Variants in PDZD2 observed in about 807,000 individuals in gnomAD.
The protein encoded by PDZD2 is PDZ domain-containing protein 2.
Under a neutral mutation model 220.7 loss-of-function variants are expected in PDZD2, and 90 were observed. The ratio of observed to expected loss-of-function variants is 0.41; its 90% CI spans 0.34 to 0.49. The LOEUF (loss-of-function observed/expected upper bound fraction) is 0.49. PDZD2 is among the 20% of genes least tolerant of loss of function. The pLI is 0.28. For synonymous variants in PDZD2, 1,375 were observed against 1,450.5 expected (o/e 0.95, Z 1.18); for missense variants, 3,174 against 3,608.5 (o/e 0.88, Z 3.08).
chr5:31,864,555 T>C (rs1738015740), intron 2 of PDZD2, among the ~76,000 whole-genome samples: 1 of 152,006 alleles, frequency 6.6e-6, no homozygotes, highest in Non-Finnish European at 1.5e-5. Flanking sequence ...GTTTCGCTCT[T>C]GTCGCCCAGG....
intron 1 of PDZD2, among the ~76,000 whole-genome samples, chr5:31,733,337 AATGGTTGACAGCT>A (rs1417863577): frequency 6.6e-6 from 1 of 152,170 alleles, no homozygotes; most frequent in Non-Finnish European, 1.5e-5. Context: ...TGGGGGTTCA[AATGGTTGACAGCT>A]AAGGCTTGTG....
intron 2 of PDZD2, among the ~76,000 whole-genome samples, chr5:31,825,033 C>G (rs1229418001): frequency 6.6e-6 from 1 of 152,194 alleles, no homozygotes; most frequent in African/African-American, 2.4e-5. Context: ...TCACATGACA[C>G]TGGCCCTGTC....
intron 2 of PDZD2, among the ~76,000 whole-genome samples, chr5:31,925,576 CAA>C (rs1033353292): frequency 6.6e-6 from 1 of 152,010 alleles, no homozygotes; most frequent in Non-Finnish European, 1.5e-5. Context: ...GCTAAGTCCT[CAA>C]AAGCAGACAC....
At chr5:31,684,663 C>A (rs1746781309) in intron 1 of PDZD2, among the ~76,000 whole-genome samples, 1 of 151,996 alleles carries the variant, frequency 6.6e-6, no homozygotes, top group Non-Finnish European at 1.5e-5. Context: ...ATAGTCCTCA[C>A]CAGCCACTGC....
At chr5:32,019,621 C>G (rs1010729073) in intron 6 of PDZD2, among the ~76,000 whole-genome samples, 2 of 152,124 alleles carry the variant, frequency 1.3e-5, no homozygotes, top group Non-Finnish European at 2.9e-5. Flanking sequence ...GTTAGGCGTG[C>G]TTGATGGCTT....
At chr5:31,711,781 C>A (rs805218) in intron 1 of PDZD2, among the ~76,000 whole-genome samples, 2 of 152,060 alleles carry the variant, frequency 1.3e-5, no homozygotes, top group African/African-American at 2.4e-5. Flanking sequence ...TGGAGCAGGG[C>A]GAGGGTTATC....
Position 32,014,717 on chromosome 5 carries a change from T to G in PDZD2, c.1407+4235T>G, listed in dbSNP as rs938435932. Among the ~76,000 whole-genome samples, 4 of 133,186 alleles carry G rather than the reference T, an allele frequency of 3.0e-5. 1 individual carries two copies. Among genetic ancestry groups the G allele is most frequent in the African/African-American group, 1.3e-4 (4 of 31,746 alleles). The allele number at this position is 133,186 out of a possible 152,430, so 87.4% of individuals were successfully genotyped here. On this transcript the variant is annotated intron_variant, in intron 6 of 24. Coordinates refer to ENST00000438447, the MANE Select transcript of PDZD2 (RefSeq NM_178140.4). ...TGCAATGACAATTTCTTTTTTTTTT[T>G]TTTTTTTTTTTTTTTTTGAGATGGA...
intron 2 of PDZD2, among the ~76,000 whole-genome samples, chr5:31,962,258 T>C (rs1748314356): frequency 6.6e-6 from 1 of 152,254 alleles, no homozygotes; most frequent in Non-Finnish European, 1.5e-5. Context: ...CTTTAAGTCA[T>C]TTCTGACTTT....
In PDZD2 at chr5:31,899,390, C is replaced by T. The variant is rs190224333; in HGVS notation, c.477-83765C>T. 3.2e-3 allele frequency among the ~76,000 whole-genome samples: 485 copies of T among 152,296 alleles called. 5 individuals are homozygous for T. Among genetic ancestry groups the T allele is most frequent in the Non-Finnish European group, 5.2e-3 (356 of 68,022 alleles). On this transcript the variant is annotated intron_variant, in intron 2 of 24. Transcript: ENST00000438447. Reference sequence around the variant, plus strand: ...GCAAGTGATCCGCCCACCTCATCCTCCCAAACTGCTGGGATTACAGGCATG... The same window carrying T: ...GCAAGTGATCCGCCCACCTCATCCTTCCAAACTGCTGGGATTACAGGCATG...
intron 2 of PDZD2, among the ~76,000 whole-genome samples, chr5:31,946,378 T>C (rs1340335817): frequency 1.3e-5 from 2 of 152,188 alleles, no homozygotes; most frequent in African/African-American, 2.4e-5. Flanking sequence ...CCAAAATCTA[T>C]TGTGTGAACC....
intron 5 of PDZD2, among the ~76,000 whole-genome samples, chr5:32,004,324 T>C (rs1752641460): frequency 6.6e-6 from 1 of 152,162 alleles, no homozygotes; most frequent in Non-Finnish European, 1.5e-5. Context: ...TGGTGGCTCA[T>C]GCCTGTAATC....
chr5:32,032,656 T>TA (rs1373784438), intron 6 of PDZD2, among the ~76,000 whole-genome samples: 1 of 152,140 alleles, frequency 6.6e-6, no homozygotes, highest in African/African-American at 2.4e-5. Context: ...TGTCTTTTCC[T>TA]AAAAAAAATT....
chr5:31,666,434 A>G (rs977410671), intron 1 of PDZD2, among the ~76,000 whole-genome samples: 1 of 152,214 alleles, frequency 6.6e-6, no homozygotes, highest in African/African-American at 2.4e-5. Context: ...ATTATTTCTG[A>G]TGATCTCAAG....
At chr5:31,714,797 G>A (rs374231068) in intron 1 of PDZD2, among the ~76,000 whole-genome samples, 3 of 151,970 alleles carry the variant, frequency 2.0e-5, no homozygotes, top group East Asian at 3.9e-4. Flanking sequence ...AGTTGCTCAC[G>A]CCTGTAATCC....
intron 9 of PDZD2, 47 bp downstream of exon 9, chr5:32,052,777 C>T (rs2112307758): frequency 1.3e-6 from 2 of 1,584,798 alleles, no homozygotes; most frequent in African/African-American, 1.4e-5. Flanking sequence ...TGAATCTTAG[C>T]ACACATTTTT....
rs1179457963 is a variant in PDZD2 at position 31,849,982 on chromosome 5, A to G, written c.476+50258A>G. On this transcript the variant is annotated intron_variant, in intron 2 of 24. Transcript: ENST00000438447. ...TATATACACATATATATATATACAT[A>G]TATATATATACACATATATATATAT... 6.9e-3 allele frequency among the ~76,000 whole-genome samples: 280 copies of G among 40,634 alleles called. 96 individuals carry two copies. Among genetic ancestry groups the G allele is most frequent in the African/African-American group, 0.037 (181 of 4,832 alleles). 26.7% of individuals were successfully genotyped at this position (40,634 alleles called of 152,430 possible). A position where few individuals can be genotyped will look rare whatever the true frequency, so the allele number is the denominator to read the frequency against.
intron 2 of PDZD2, among the ~76,000 whole-genome samples, chr5:31,935,159 C>T (rs1253589941): frequency 6.6e-6 from 1 of 151,928 alleles, no homozygotes; most frequent in Non-Finnish European, 1.5e-5. Flanking sequence ...TATTTTGTTC[C>T]TTACAAGTAT....
chr5:31,696,834 G>A (rs369402), intron 1 of PDZD2, among the ~76,000 whole-genome samples: 68,844 of 151,936 alleles, frequency 0.45, 16,290 homozygotes, highest in East Asian at 0.62. Flanking sequence ...CTTTAGGTAC[G>A]CTGAATGAGC....
At chr5:31,808,839 A>G (rs972098644) in intron 2 of PDZD2, among the ~76,000 whole-genome samples, 4 of 152,016 alleles carry the variant, frequency 2.6e-5, no homozygotes, top group African/African-American at 9.7e-5. Flanking sequence ...TTAGCTGGGC[A>G]TGGTGGCACA....
Sources: allele counts gnomAD v4.1 joint callset (sites outside exome capture counted in the v4.1 genomes callset), GRCh38; gene constraint gnomAD v4.1.1; transcripts MANE v1.5; gene names NCBI Gene and HGNC (gene_info 2026-07-23, HGNC 2026-07-21).